SPG7: variants seen among roughly 807,000 people sequenced by gnomAD.
SPG7 encodes the protein SPG7 matrix AAA peptidase subunit, paraplegin.
SPG7 carries 103 observed loss-of-function variants against 81.9 expected under a neutral mutation model. The observed-to-expected ratio is 1.26, with a 90% CI of 1.07 to 1.48. SPG7 has a LOEUF of 1.48. Among genes scored for constraint, SPG7 ranks in the 40% most tolerant of loss-of-function variants. The probability of loss-of-function intolerance (pLI) is 0.00; values close to 1 mark genes in which losing one functional copy is unlikely to be tolerated. For missense variants in SPG7, 1,241 were observed against 1,087.3 expected (o/e 1.14, Z -1.99); for synonymous variants, 534 against 444.2 (o/e 1.20, Z -2.54).
In SPG7 at chr16:89,531,908, C is replaced by T. The variant is rs1191740637; in HGVS notation, c.992C>T (p.Pro331Leu). ...GCATTGTCTGCTGCCGTCCAGAGCC[C>T]AGAACGCTTCCTCCAGCTTGGCGCC... ...VREFVDYLKS[P>L]ERFLQLGAKV... Residue 331 changes from proline to leucine, a missense_variant, in exon 8 of 17, where the codon CCA becomes CTA. Physicochemically the swap from Pro to Leu is moderately conservative, Grantham distance 98. Coordinates refer to ENST00000645818, the MANE Select transcript of SPG7 (RefSeq NM_003119.4). The T allele has an allele frequency of 2.5e-6, 4 of 1,614,120 alleles. No homozygotes were observed. The highest frequency in any genetic ancestry group is 3.3e-5 in the Admixed American group (2 of 60,022).
At chr16:89,511,018 T>G (rs35697221) in intron 2 of SPG7, among the ~76,000 whole-genome samples, 1 of 152,128 alleles carries the variant, frequency 6.6e-6, no homozygotes, top group African/African-American at 2.4e-5. Flanking sequence ...GGGTATTTTT[T>G]GTGGAGATGG....
chr16:89,509,924 G>T (rs1244406805), intron 1 of SPG7, among the ~76,000 whole-genome samples: 1 of 151,394 alleles, frequency 6.6e-6, no homozygotes, highest in East Asian at 1.9e-4. Context: ...AAAGTGCTGG[G>T]ATTACAGACA....
intron 3 of SPG7, chr16:89,523,547 A>T (rs903071314): frequency 1.1e-5 from 4 of 366,248 alleles, no homozygotes; most frequent in Middle Eastern, 9.9e-4. Flanking sequence ...GCAGCAGGAG[A>T]GCTGACTGCA....
chr16:89,514,766 A>T (rs1264209212), intron 3 of SPG7, among the ~76,000 whole-genome samples: 2 of 150,566 alleles, frequency 1.3e-5, no homozygotes, highest in Non-Finnish European at 3.0e-5. Flanking sequence ...CCAAAGTTCT[A>T]GGATTACAGG....
At chr16:89,526,747 C>T (rs1454366316) in intron 5 of SPG7, 3 of 408,434 alleles carry the variant, frequency 7.3e-6, no homozygotes, top group South Asian at 4.2e-5. Context: ...AAGTCTAAGC[C>T]CCTGATGTAG....
chr16:89,526,784 A>C, intron 5 of SPG7: 1 of 351,626 alleles, frequency 2.8e-6, no homozygotes, highest in Non-Finnish European at 5.4e-6. Flanking sequence ...CCCCGACGTA[A>C]GATGCCGAAG....
chr16:89,553,128 C>A lies in SPG7; in HGVS notation c.1929C>A (p.Val643=), dbSNP rs746082965. 10 of 1,607,766 alleles carry A rather than the reference C, an allele frequency of 6.2e-6. 1 individual carries two copies. Among genetic ancestry groups the A allele is most frequent in the Non-Finnish European group, 8.5e-6 (10 of 1,177,164 alleles). ...CGGAAGCACTGTCCTTCAACGAGGT[C>A]ACTTCTGGTGAGGAGCAGCGGCGCG... ...RASEALSFNE[V]TSGAQDDLRK... Residue 643 remains valine, a synonymous_variant, in exon 14 of 17, where the codon GTC becomes GTA. Transcript: ENST00000645818.
intron 2 of SPG7, among the ~76,000 whole-genome samples, chr16:89,512,060 C>T (rs559400049): frequency 3.3e-5 from 5 of 151,152 alleles, no homozygotes; most frequent in African/African-American, 4.9e-5. Context: ...TACAGGTGCC[C>T]GCCACTATGC....
intron 7 of SPG7, 110 bp from the exon 8 acceptor site, chr16:89,531,794 C>A: frequency 9.3e-7 from 1 of 1,079,046 alleles, no homozygotes; most frequent in Non-Finnish European, 1.4e-6. Context: ...AGTGAGCTAT[C>A]ATGGCACCCA....
intron 4 of SPG7, among the ~76,000 whole-genome samples, chr16:89,525,921 C>G (rs1438176754): frequency 6.6e-6 from 1 of 152,172 alleles, no homozygotes; most frequent in African/African-American, 2.4e-5. Context: ...TGTGAGCTAA[C>G]TTGCAGACAT....
At position 89,557,751 on chromosome 16, in the gene SPG7, G is replaced by A. The variant is rs1567937515; in HGVS notation, c.*658G>A. 6.5e-6 allele frequency: 1 copy of A among 153,498 alleles called. No homozygotes were observed. The highest frequency in any genetic ancestry group is 1.5e-5 in the Non-Finnish European group (1 of 68,914). 9.5% of individuals were successfully genotyped at this position (153,498 alleles called of 1,614,324 possible). ...TTGAGATACTTTACTAATAAACTGT[G>A]TAGTTGGAAAATCTACATTTGCATT... On this transcript the variant is annotated 3_prime_UTR_variant, in exon 17 of 17. Transcript: ENST00000645818.
At chr16:89,541,849 C>T (rs1260444065) in intron 9 of SPG7, 1 of 151,842 alleles carries the variant, frequency 6.6e-6, no homozygotes, top group Non-Finnish European at 1.5e-5. Flanking sequence ...TGTCCAGTCC[C>T]AGGAAGTCTG....
chr16:89,540,222 C>T (rs1344041322), intron 9 of SPG7: 1 of 152,166 alleles, frequency 6.6e-6, no homozygotes, highest in Non-Finnish European at 1.5e-5. Context: ...TTAGAATACG[C>T]TTGTTCCTAT....
At chr16:89,523,354 G>A (rs1470735079) in intron 3 of SPG7, 3 of 276,804 alleles carry the variant, frequency 1.1e-5, no homozygotes, top group South Asian at 7.1e-5. Context: ...AATGGTTGTT[G>A]GGTAGGGAGA....
intron 2 of SPG7, among the ~76,000 whole-genome samples, chr16:89,512,000 C>T (rs1255528529): frequency 6.6e-6 from 1 of 152,046 alleles, no homozygotes; most frequent in African/African-American, 2.4e-5. Flanking sequence ...CAAGCTCTGC[C>T]TCCAGGATTC....
chr16:89,553,106 A>G lies in SPG7; in HGVS notation c.1907A>G (p.Glu636Gly), dbSNP rs1219196665. ...ATGGCCCTGGGAGGACGGGCCTCGG[A>G]AGCACTGTCCTTCAACGAGGTCACT... ...MCMALGGRAS[E>G]ALSFNEVTSG... The change falls in exon 14 of 17, where the codon GAA becomes GGA. Residue 636 changes from glutamate (E) to glycine (G), a missense_variant. Coordinates refer to ENST00000645818, the MANE Select transcript of SPG7 (RefSeq NM_003119.4). The G allele has an allele frequency of 1.2e-6, 2 of 1,612,188 alleles. No individual in the cohort carries two copies. The highest frequency in any genetic ancestry group is 1.7e-6 in the Non-Finnish European group (2 of 1,179,246).
intron 6 of SPG7, chr16:89,529,940 A>G: frequency 3.0e-6 from 1 of 335,154 alleles, no homozygotes; most frequent in South Asian, 2.6e-5. Flanking sequence ...CCCGCATTCA[A>G]GCAATTCTCC....
chr16:89,546,605 G>T, intron 10 of SPG7, 53 bp from the exon 11 acceptor site: 1 of 1,218,918 alleles, frequency 8.2e-7, no homozygotes, highest in Non-Finnish European at 1.2e-6. Context: ...TGCCGCACCT[G>T]TGGCAGTAAC....
In SPG7 at chr16:89,508,619, C is replaced by T. The variant is rs2057964356; in HGVS notation, c.183+19C>T. The T allele has an allele frequency of 6.9e-7, 1 of 1,439,368 alleles. No homozygotes were observed. Among genetic ancestry groups the T allele is most frequent in the African/African-American group, 1.5e-5 (1 of 66,994 alleles). The allele number at this position is 1,439,368 out of a possible 1,614,324, so 89.2% of individuals were successfully genotyped here. On this transcript the variant is annotated intron_variant, in intron 1 of 16. Transcript: ENST00000645818. ...TCTGCAGGTAAATCCCCGCGGAGTC[C>T]GGGCCCCACCTCCCGCCCGGCTCTG...
Sources: allele counts gnomAD v4.1 joint callset (sites outside exome capture counted in the v4.1 genomes callset), GRCh38; gene constraint gnomAD v4.1.1; transcripts MANE v1.5; gene names NCBI Gene and HGNC (gene_info 2026-07-23, HGNC 2026-07-21).